Variants in SMG6 observed in about 807,000 individuals in gnomAD.
SMG6 encodes the protein SMG6 nonsense mediated mRNA decay factor, also known as telomerase-binding protein EST1A.
In SMG6, 66 loss-of-function variants were observed where a neutral mutation model predicts 142.2. The ratio of observed to expected loss-of-function variants is 0.46; its 90% CI spans 0.38 to 0.57. The LOEUF (loss-of-function observed/expected upper bound fraction) is 0.57, where lower values mean the gene tolerates loss of function less well. Among genes scored for constraint, SMG6 ranks in the 20% least tolerant of loss-of-function variants. The pLI, the probability that SMG6 is intolerant of heterozygous loss-of-function variation, is 0.00. For missense variants in SMG6, 1,793 were observed against 1,832.0 expected (o/e 0.98, Z 0.39); for synonymous variants, 779 against 702.4 (o/e 1.11, Z -1.72).
At chr17:2,235,567 A>G (rs1490568602) in intron 10 of SMG6, 1 of 152,496 alleles carries the variant, frequency 6.6e-6, no homozygotes, top group East Asian at 1.9e-4. Flanking sequence ...TCTGTTTTAC[A>G]GCAGGGTCTC....
rs1048849670 is a variant in SMG6 at position 2,203,970 on chromosome 17, G to A, written c.2870-15455C>T. Among the ~76,000 whole-genome samples the A allele has an allele frequency of 2.6e-5, 4 of 152,194 alleles. No homozygotes were observed. The South Asian group carries it at 6.2e-4, about 24-fold the overall frequency. On this transcript the variant is annotated intron_variant, in intron 10 of 18. Transcript: ENST00000263073. ...CTTTTCATTCTGTGGCTTCCTGAAC[G>A]ATTTTTTTTAAGAGATGGGGTCTTG...
chr17:2,267,811 G>A (rs954428545), intron 8 of SMG6, among the ~76,000 whole-genome samples: 3 of 150,286 alleles, frequency 2.0e-5, no homozygotes, highest in Non-Finnish European at 3.0e-5. Flanking sequence ...GCCGTGGCGC[G>A]ATCTCGGCTC....
chr17:2,135,817 G>A (rs1293131969), intron 13 of SMG6, among the ~76,000 whole-genome samples: 1 of 151,400 alleles, frequency 6.6e-6, no homozygotes, highest in Admixed American at 6.6e-5. Flanking sequence ...AGCCCCTTGA[G>A]TAGCTGGGAC....
Position 2,298,926 on chromosome 17 carries a change from C to T in SMG6, c.1827G>A (p.Leu609=), listed in dbSNP as rs1384231875. The T allele has an allele frequency of 6.2e-7, 1 of 1,613,716 alleles. No individual in the cohort carries two copies. The highest frequency in any genetic ancestry group is 1.1e-5 in the South Asian group (1 of 91,044). Residue 609 remains leucine (L), a synonymous_variant, in exon 2 of 19, where the codon CTG becomes CTA. Transcript: ENST00000263073. ...LSRDRISPEG[L]EKMAQLRAEL... ...CATACCTGAGTTGCGCCATCTTCTC[C>T]AGGCCCTCCGGACTGATGCGGTCCC...
chr17:2,152,016 A>G (rs1439198076), intron 13 of SMG6, among the ~76,000 whole-genome samples: 1 of 152,208 alleles, frequency 6.6e-6, no homozygotes, highest in Non-Finnish European at 1.5e-5. Context: ...TTACTTATCA[A>G]AAAACGACTT....
chr17:2,103,042 G>A (rs1688543053), intron 13 of SMG6, among the ~76,000 whole-genome samples: 1 of 152,180 alleles, frequency 6.6e-6, no homozygotes, highest in Admixed American at 6.5e-5. Flanking sequence ...ATCTGTTGAT[G>A]GACACTCAGA....
chr17:2,118,628 T>G (rs1054412329), intron 13 of SMG6, among the ~76,000 whole-genome samples: 6 of 152,058 alleles, frequency 3.9e-5, no homozygotes, highest in Admixed American at 6.6e-5. Flanking sequence ...TTTTTAAATT[T>G]TGAGCAACGG....
chr17:2,109,530 C>T (rs1200405985), intron 13 of SMG6, among the ~76,000 whole-genome samples: 2 of 152,196 alleles, frequency 1.3e-5, no homozygotes, highest in African/African-American at 2.4e-5. Flanking sequence ...TCTCAAAGTG[C>T]TGGGATTACA....
At chr17:2,245,130 C>G (rs998259597) in intron 8 of SMG6, among the ~76,000 whole-genome samples, 11 of 152,182 alleles carry the variant, frequency 7.2e-5, no homozygotes, top group African/African-American at 2.7e-4. Flanking sequence ...GGTTATTTTT[C>G]TACCTACCTA....
intron 13 of SMG6, among the ~76,000 whole-genome samples, chr17:2,140,877 C>T (rs1438463141): frequency 2.0e-5 from 3 of 152,128 alleles, no homozygotes; most frequent in African/African-American, 7.2e-5. Flanking sequence ...AGTATTAGTG[C>T]ATTGGAATCA....
At chr17:2,101,031 A>C (rs978472802) in intron 13 of SMG6, 7 of 152,224 alleles carry the variant, frequency 4.6e-5, no homozygotes, top group African/African-American at 1.7e-4. Context: ...GGTTAGGTCA[A>C]AGTGGTCACA....
intron 12 of SMG6, among the ~76,000 whole-genome samples, chr17:2,186,059 C>T (rs2071972288): frequency 6.6e-6 from 1 of 151,926 alleles, no homozygotes; most frequent in Admixed American, 6.6e-5. Context: ...AACCCTGTCT[C>T]TACCGAAAAA....
chr17:2,242,513 G>C (rs1177416368), intron 9 of SMG6, among the ~76,000 whole-genome samples: 2 of 150,716 alleles, frequency 1.3e-5, no homozygotes, highest in Non-Finnish European at 2.9e-5. Flanking sequence ...CTGGGCGACA[G>C]AGCGAGACTT....
At chr17:2,200,301 A>G (rs2072477123) in intron 10 of SMG6, among the ~76,000 whole-genome samples, 1 of 152,150 alleles carries the variant, frequency 6.6e-6, no homozygotes, top group Admixed American at 6.6e-5. Flanking sequence ...AGTGGAGACT[A>G]AAAGGGATTC....
chr17:2,280,575 T>C, intron 8 of SMG6: 1 of 985,158 alleles, frequency 1.0e-6, no homozygotes, highest in South Asian at 4.7e-5. Context: ...AAACTGCAGA[T>C]TTCTTCGAGG....
chr17:2,112,809 G>A (rs1413937058), intron 13 of SMG6, among the ~76,000 whole-genome samples: 3 of 148,036 alleles, frequency 2.0e-5, no homozygotes, highest in African/African-American at 2.5e-5. Flanking sequence ...CCAGGCTAGA[G>A]TGCAGTGGCG....
chr17:2,195,047 G>T (rs764340358), intron 10 of SMG6, among the ~76,000 whole-genome samples: 2 of 152,202 alleles, frequency 1.3e-5, no homozygotes, highest in African/African-American at 4.8e-5. Flanking sequence ...GCAAGAGGCG[G>T]CCTGGGAAGT....
intron 13 of SMG6, among the ~76,000 whole-genome samples, chr17:2,129,687 G>A (rs897601913): frequency 5.4e-5 from 8 of 149,478 alleles, no homozygotes; most frequent in Non-Finnish European, 1.2e-4. Flanking sequence ...ACAGCTACTC[G>A]GCAGGCTGAG....
At chr17:2,134,191 G>A (rs973135271) in intron 13 of SMG6, among the ~76,000 whole-genome samples, 17 of 151,852 alleles carry the variant, frequency 1.1e-4, no homozygotes, top group African/African-American at 4.1e-4. Flanking sequence ...AGGCCGATGT[G>A]GGTGGATCAC....
Sources: gnomAD v4.1 joint callset for allele counts (sites outside exome capture counted in the v4.1 genomes callset) on GRCh38, gnomAD v4.1.1 for gene constraint, MANE v1.5 for transcripts, NCBI Gene and HGNC (gene_info 2026-07-23, HGNC 2026-07-21) for gene names.